ARMC2: variants seen among roughly 807,000 people sequenced by gnomAD.
ARMC2 encodes the protein armadillo repeat-containing protein 2.
Under a neutral mutation model 90.3 loss-of-function variants are expected in ARMC2, and 67 were observed. The observed-to-expected ratio is 0.74, with a 90% confidence interval of 0.61 to 0.91. The LOEUF (loss-of-function observed/expected upper bound fraction) is 0.91. Among genes scored for constraint, ARMC2 ranks in the 40% least tolerant of loss-of-function variants. The pLI is 0.00. For missense variants in ARMC2, 920 were observed against 1,030.9 expected, an observed-to-expected ratio of 0.89 and a Z score of 1.47; for synonymous variants, 393 against 393.0, an observed-to-expected ratio of 1.00 and a Z score of 0.00.
chr6:108,996,970 A>G, the ARMC2 span, among the ~76,000 whole-genome samples: 1 of 152,172 alleles, frequency 6.6e-6, no homozygotes, highest in Non-Finnish European at 1.5e-5. Flanking sequence ...TTCCAACTAT[A>G]TAACATTCTG....
chr6:108,904,478 A>T, intron 8 of ARMC2, 73 bp downstream of exon 8: 2 of 1,323,528 alleles, frequency 1.5e-6, no homozygotes, highest in Non-Finnish European at 2.0e-6. Flanking sequence ...ATTTTTAAAT[A>T]TTACAAAGAA....
chr6:108,904,210 T>C lies in ARMC2; in HGVS notation c.848-20T>C. On this transcript the variant is annotated intron_variant, in intron 7 of 17. Coordinates refer to ENST00000392644, the MANE Select transcript of ARMC2 (RefSeq NM_032131.6). The stretch of plus-strand genomic sequence containing the variant: ...TAACCTTAATTAGTAAGTGTTGCTT[T>C]ACTCTCTTTGCTCTGACAGAAGAAA... 6.2e-7 allele frequency: 1 copy of C among 1,612,198 alleles called. No individual in the cohort carries two copies. The highest frequency in any genetic ancestry group is 2.2e-5 in the East Asian group (1 of 44,820).
At chr6:108,934,250 GT>G (rs1170750142) in intron 11 of ARMC2, among the ~76,000 whole-genome samples, 1 of 152,096 alleles carries the variant, frequency 6.6e-6, no homozygotes, top group African/African-American at 2.4e-5. Flanking sequence ...TAATCTTGTG[GT>G]TTTTGTCTTC....
At chr6:108,895,929 T>A (rs1250064859) in intron 6 of ARMC2, among the ~76,000 whole-genome samples, 1 of 152,224 alleles carries the variant, frequency 6.6e-6, no homozygotes, top group Non-Finnish European at 1.5e-5. Flanking sequence ...TGGCAAAATG[T>A]TAATATCTGA....
At chr6:108,957,060 T>C (rs1777638099) in intron 13 of ARMC2, among the ~76,000 whole-genome samples, 1 of 152,176 alleles carries the variant, frequency 6.6e-6, no homozygotes, top group African/African-American at 2.4e-5. Flanking sequence ...TTAGTCTCTG[T>C]ATTAGAGCCT....
intron 5 of ARMC2, among the ~76,000 whole-genome samples, chr6:108,892,932 A>G (rs1451075902): frequency 6.6e-6 from 1 of 152,230 alleles, no homozygotes; most frequent in Non-Finnish European, 1.5e-5. Context: ...ACAGATGTTC[A>G]CAGGGACTAT....
At chr6:108,957,905 G>A (rs565476492) in intron 13 of ARMC2, among the ~76,000 whole-genome samples, 1 of 152,228 alleles carries the variant, frequency 6.6e-6, no homozygotes, top group Admixed American at 6.5e-5. Flanking sequence ...AGCTCCAATG[G>A]GAACTCAGCA....
intron 5 of ARMC2, among the ~76,000 whole-genome samples, chr6:108,893,508 C>T (rs1447437625): frequency 1.3e-5 from 2 of 152,196 alleles, no homozygotes; most frequent in Non-Finnish European, 2.9e-5. Flanking sequence ...TCTTTCCCAG[C>T]TCCCAAAGGC....
the ARMC2 span, among the ~76,000 whole-genome samples, chr6:108,993,868 C>T: frequency 2.0e-5 from 3 of 151,828 alleles, no homozygotes; most frequent in Non-Finnish European, 4.4e-5. Context: ...GTACAAACTG[C>T]CGTGCCCAAA....
At chr6:109,044,174 G>A in the ARMC2 span, among the ~76,000 whole-genome samples, 1 of 151,450 alleles carries the variant, frequency 6.6e-6, no homozygotes, top group Non-Finnish European at 1.5e-5. Context: ...AATTATCCAG[G>A]CATAGTGGCA....
the ARMC2 span, among the ~76,000 whole-genome samples, chr6:109,046,476 C>G: frequency 2.7e-5 from 4 of 148,802 alleles, no homozygotes; most frequent in South Asian, 6.7e-4. Context: ...CCCAAAGTGC[C>G]GAGATTGCAG....
chr6:109,042,171 A>G, the ARMC2 span, among the ~76,000 whole-genome samples: 1,185 of 152,230 alleles, frequency 7.8e-3, 21 homozygotes, highest in African/African-American at 0.027. Flanking sequence ...AAATGAAAAT[A>G]CAACATATCA....
the ARMC2 span, chr6:109,001,545 A>G: frequency 7.1e-7 from 1 of 1,417,182 alleles, no homozygotes; most frequent in Middle Eastern, 1.8e-4. Context: ...TTAAGGGAAG[A>G]AAATATACAT....
intron 12 of ARMC2, among the ~76,000 whole-genome samples, chr6:108,946,022 G>A (rs1418322555): frequency 6.6e-6 from 1 of 152,224 alleles, no homozygotes; most frequent in East Asian, 1.9e-4. Context: ...GAGAGCATTT[G>A]GCTGAGCTTG....
At chr6:108,853,971 A>T (rs749017450) in intron 1 of ARMC2, among the ~76,000 whole-genome samples, 7 of 152,074 alleles carry the variant, frequency 4.6e-5, no homozygotes, top group Non-Finnish European at 1.0e-4. Flanking sequence ...TTTCATGATT[A>T]GTCTTTCTCT....
the ARMC2 span, among the ~76,000 whole-genome samples, chr6:109,014,114 G>T: frequency 6.6e-6 from 1 of 151,428 alleles, no homozygotes; most frequent in Non-Finnish European, 1.5e-5. Flanking sequence ...TCCTCTTTTA[G>T]AAATGTAGTG....
At chr6:108,961,511 A>T (rs1394428889) in intron 13 of ARMC2, 61 bp from the exon 14 acceptor site, 3 of 1,507,374 alleles carry the variant, frequency 2.0e-6, no homozygotes, top group Non-Finnish European at 2.7e-6. Context: ...CTGTAGTTGC[A>T]ACGTAGTTGG....
At chr6:108,952,956 A>T (rs1296792668) in intron 12 of ARMC2, 77 bp from the exon 13 acceptor site, 3 of 1,332,586 alleles carry the variant, frequency 2.3e-6, no homozygotes, top group Non-Finnish European at 3.1e-6. Context: ...ATTGTGAATA[A>T]ATTAAATACT....
chr6:109,020,685 G>T, the ARMC2 span, among the ~76,000 whole-genome samples: 2 of 152,176 alleles, frequency 1.3e-5, no homozygotes, highest in Admixed American at 1.3e-4. Context: ...AAGAGTTACA[G>T]ATTTCATCAC....
Sources: allele counts gnomAD v4.1 joint callset (sites outside exome capture counted in the v4.1 genomes callset), GRCh38; gene constraint gnomAD v4.1.1; transcripts MANE v1.5; gene names NCBI Gene and HGNC (gene_info 2026-07-23, HGNC 2026-07-21).